The following CFAP91 variants were observed in gnomAD, a reference collection of about 807,000 sequenced individuals.
CFAP91 encodes the protein cilia- and flagella-associated protein 91.
A neutral mutation model predicts 95.9 loss-of-function variants in CFAP91; 85 were observed. The observed-to-expected ratio is 0.89, with a 90% confidence interval of 0.74 to 1.06. The LOEUF is 1.06. Among genes scored for constraint, CFAP91 ranks in the 50% least tolerant of loss-of-function variants. The pLI is 0.00. For missense variants in CFAP91, 962 were observed against 943.4 expected, an observed-to-expected ratio of 1.02 and a Z score of -0.26; for synonymous variants, 335 against 327.5, an observed-to-expected ratio of 1.02 and a Z score of -0.25.
At chr3:119,732,219 C>G in intron 8 of CFAP91, 75 bp from the exon 9 acceptor site, 1 of 1,126,590 alleles carries the variant, frequency 8.9e-7, no homozygotes, top group South Asian at 1.7e-5. Context: ...ATAACACTAG[C>G]ATTGGCTTAC....
At chr3:119,721,719 T>A (rs1458506503) in intron 6 of CFAP91, among the ~76,000 whole-genome samples, 1 of 152,148 alleles carries the variant, frequency 6.6e-6, no homozygotes, top group African/African-American at 2.4e-5. Flanking sequence ...TGCAGCAAGA[T>A]AAGAGAAAAA....
chr3:119,762,833 A>C (rs183562593), intron 17 of CFAP91, among the ~76,000 whole-genome samples: 109 of 152,210 alleles, frequency 7.2e-4, no homozygotes, highest in Non-Finnish European at 1.3e-3. Context: ...AAATGGATTA[A>C]ATACTTAAGC....
At chr3:119,712,137 G>A (rs78913521) in intron 5 of CFAP91, among the ~76,000 whole-genome samples, 2,949 of 152,314 alleles carry the variant, frequency 0.019, 36 homozygotes, top group Middle Eastern at 0.065. Context: ...CTGAGTTTGG[G>A]TCCTGTTTGA....
Position 119,703,233 on chromosome 3 carries a change from C to T in CFAP91, c.124+11C>T, listed in dbSNP as rs778013210. On this transcript the variant is annotated intron_variant, in intron 1 of 17. Transcript: ENST00000273390. Reference sequence around the variant, plus strand: ...ATGATTTTCTGTACGGTAAGGACCGCCGCAGACCTTCCTCCGCGTCCGTCG... The same window carrying T: ...ATGATTTTCTGTACGGTAAGGACCGTCGCAGACCTTCCTCCGCGTCCGTCG... 10 of 1,611,078 alleles carry T rather than the reference C, an allele frequency of 6.2e-6. No homozygotes were observed. The highest frequency in any genetic ancestry group is 8.5e-6 in the Non-Finnish European group (10 of 1,178,768).
rs556125660 is a variant in CFAP91 at position 119,738,332 on chromosome 3, CTTTTTTTTTTTTTTTTTT to C, written c.1461+867_1461+884del. On this transcript the variant is annotated intron_variant, in intron 11 of 17. Coordinates refer to ENST00000273390, the MANE Select transcript of CFAP91 (RefSeq NM_033364.4). ...TGCAGGGCTTTGGTTGACATATTGT[CTTTTTTTTTTTTTTTTTT>C]TTTTTTTTTTTTTTTTGAGACAGAA... 3.8e-3 allele frequency among the ~76,000 whole-genome samples: 88 copies of C among 23,082 alleles called. 3 individuals carry two copies. In the East Asian group the frequency reaches 0.072, roughly 19 times the overall value. 15.1% of individuals were successfully genotyped at this position (23,082 alleles called of 152,430 possible). A position where few individuals can be genotyped will look rare whatever the true frequency, so the allele number is the denominator to read the frequency against.
chr3:119,742,000 A>G (rs535327025), intron 13 of CFAP91, among the ~76,000 whole-genome samples: 106 of 152,180 alleles, frequency 7.0e-4, no homozygotes, highest in Non-Finnish European at 1.3e-3. Flanking sequence ...AGTCCTGGAA[A>G]AGCTCAGATA....
chr3:119,764,187 G>A (rs2054589145), intron 17 of CFAP91, among the ~76,000 whole-genome samples: 1 of 151,974 alleles, frequency 6.6e-6, no homozygotes, highest in African/African-American at 2.4e-5. Context: ...AATCAGAAAC[G>A]GTATTTATGA....
chr3:119,711,551 AT>A (rs1232209040), intron 5 of CFAP91, among the ~76,000 whole-genome samples: 1 of 152,234 alleles, frequency 6.6e-6, no homozygotes, highest in Non-Finnish European at 1.5e-5. Context: ...AGGGATAAAG[AT>A]TCCATCCAAG....
rs2053668911 is a variant in CFAP91 at position 119,720,767 on chromosome 3, A to G, written c.682+5024A>G. Among the ~76,000 whole-genome samples the G allele has an allele frequency of 2.0e-5, 3 of 152,222 alleles. No individual in the cohort carries two copies. The South Asian group carries it at 6.2e-4, about 32-fold the overall frequency. On this transcript the variant is annotated intron_variant, in intron 6 of 17. Coordinates refer to ENST00000273390, the MANE Select transcript of CFAP91 (RefSeq NM_033364.4). Reference sequence around the variant, plus strand: ...TTTAGGACCCTCCAACCCTACCAAGATTTTTGGATGCGCAAGTCTCTTATG... The same window carrying G: ...TTTAGGACCCTCCAACCCTACCAAGGTTTTTGGATGCGCAAGTCTCTTATG...
chr3:119,707,826 A>G (rs1417533144), intron 3 of CFAP91, among the ~76,000 whole-genome samples: 1 of 151,374 alleles, frequency 6.6e-6, no homozygotes, highest in Admixed American at 6.6e-5. Flanking sequence ...GATCCAACTT[A>G]GCAACTGAAA....
At chr3:119,715,382 C>G (rs1179648926) in intron 5 of CFAP91, 180 bp from the exon 6 acceptor site, 2 of 710,756 alleles carry the variant, frequency 2.8e-6, no homozygotes, top group South Asian at 1.5e-5. Context: ...AATAACAAGG[C>G]AATTCTCTCA....
At chr3:119,764,784 T>G (rs1272228884) in intron 17 of CFAP91, among the ~76,000 whole-genome samples, 1 of 152,044 alleles carries the variant, frequency 6.6e-6, no homozygotes, top group Non-Finnish European at 1.5e-5. Context: ...TCTTTTGTAT[T>G]TTTATTTTTT....
intron 12 of CFAP91, among the ~76,000 whole-genome samples, chr3:119,739,785 A>G (rs1188221174): frequency 1.3e-5 from 2 of 152,168 alleles, no homozygotes; most frequent in Non-Finnish European, 2.9e-5. Context: ...AACCTTTACT[A>G]TATGCCCACA....
chr3:119,746,592 G>A (rs899015875), intron 14 of CFAP91, among the ~76,000 whole-genome samples: 2 of 152,210 alleles, frequency 1.3e-5, no homozygotes, highest in South Asian at 4.1e-4. Flanking sequence ...TTCCCTTTAA[G>A]AATCCTTTCT....
intron 7 of CFAP91, among the ~76,000 whole-genome samples, chr3:119,728,034 G>A (rs1276816653): frequency 6.8e-6 from 1 of 148,140 alleles, no homozygotes; most frequent in Admixed American, 6.6e-5. Flanking sequence ...TGATGATGAT[G>A]ATGATAATGA....
chr3:119,752,376 G>T (rs2054341869), intron 17 of CFAP91: 1 of 152,094 alleles, frequency 6.6e-6, no homozygotes, highest in Admixed American at 6.6e-5. Context: ...TGAGAGGGAA[G>T]GTAAGAAATA....
At chr3:119,753,399 A>T (rs980040533) in intron 17 of CFAP91, among the ~76,000 whole-genome samples, 3 of 152,144 alleles carry the variant, frequency 2.0e-5, no homozygotes, top group Non-Finnish European at 2.9e-5. Flanking sequence ...TAATCATCTG[A>T]GTGATTTTAA....
chr3:119,720,509 T>C (rs1371312592), intron 6 of CFAP91, among the ~76,000 whole-genome samples: 23 of 152,034 alleles, frequency 1.5e-4, no homozygotes, highest in Admixed American at 1.5e-3. Context: ...AGAGTAACTA[T>C]AGAAATTGAC....
chr3:119,710,978 A>T (rs2053461413), intron 5 of CFAP91, among the ~76,000 whole-genome samples: 1 of 152,246 alleles, frequency 6.6e-6, no homozygotes, highest in Non-Finnish European at 1.5e-5. Flanking sequence ...CTGTAAGAGA[A>T]AAAAGTCTAA....
Sources: allele counts gnomAD v4.1 joint callset (sites outside exome capture counted in the v4.1 genomes callset), GRCh38; gene constraint gnomAD v4.1.1; transcripts MANE v1.5; gene names NCBI Gene and HGNC (gene_info 2026-07-23, HGNC 2026-07-21).